ALDH1A2: variants seen among roughly 807,000 people sequenced by gnomAD.
ALDH1A2 encodes the protein aldehyde dehydrogenase 1 family member A2, also known as retinal dehydrogenase 2.
Under a neutral mutation model 60.3 loss-of-function variants are expected in ALDH1A2, and 27 were observed. The ratio of observed to expected loss-of-function variants is 0.45; its 90% CI spans 0.33 to 0.62. The LOEUF is 0.62. Ranked by LOEUF, ALDH1A2 falls within the 20% of genes least tolerant of loss-of-function variation. The pLI, the probability that ALDH1A2 is intolerant of heterozygous loss-of-function variation, is 0.02. For missense variants in ALDH1A2, 581 were observed against 643.8 expected (o/e 0.90, Z 1.06); for synonymous variants, 289 against 232.4 (o/e 1.24, Z -2.21).
In ALDH1A2 at chr15:58,010,665, C is replaced by T. The variant is rs1895605493; in HGVS notation, c.477G>A (p.Gly159=). The T allele has an allele frequency of 2.5e-6, 4 of 1,613,192 alleles. No individual in the cohort carries two copies. The highest frequency in any genetic ancestry group is 2.7e-5 in the African/African-American group (2 of 74,862). The change falls in exon 4 of 13, where the codon GGG becomes GGA. Residue 159 remains glycine, a synonymous_variant. Coordinates refer to ENST00000249750, the MANE Select transcript of ALDH1A2 (RefSeq NM_003888.4). ...YYAGWADKIH[G]MTIPVDGDYF... is the part of the protein sequence containing the mutation. ...TTCACATACCTACAGGAATGGTCATCCCATGAATTTTATCAGCCCAGCCTG... is the reference window on the plus strand; with the variant it reads ...TTCACATACCTACAGGAATGGTCATTCCATGAATTTTATCAGCCCAGCCTG...
chr15:57,985,275 CT>C (rs1894659466), intron 7 of ALDH1A2, among the ~76,000 whole-genome samples: 1 of 152,136 alleles, frequency 6.6e-6, no homozygotes, highest in African/African-American at 2.4e-5. Flanking sequence ...TAACACTGCC[CT>C]TTCTTCCCAA....
intron 4 of ALDH1A2, among the ~76,000 whole-genome samples, chr15:58,006,261 A>G (rs1895454243): frequency 6.6e-6 from 1 of 151,952 alleles, no homozygotes; most frequent in Non-Finnish European, 1.5e-5. Flanking sequence ...TGAGAATATA[A>G]GATATTTGGT....
intron 1 of ALDH1A2, among the ~76,000 whole-genome samples, chr15:58,055,901 G>GTCT (rs1566962638): frequency 1.0e-3 from 110 of 108,504 alleles, no homozygotes; most frequent in African/African-American, 3.2e-3. Flanking sequence ...TCAAAAAAAA[G>GTCT]GTCTTTTAGA....
At chr15:58,019,390 A>C (rs1895864855) in intron 1 of ALDH1A2, among the ~76,000 whole-genome samples, 1 of 152,202 alleles carries the variant, frequency 6.6e-6, no homozygotes, top group Non-Finnish European at 1.5e-5. Context: ...AAGAAACCAG[A>C]ATATTTTGCT....
intron 12 of ALDH1A2, among the ~76,000 whole-genome samples, chr15:57,958,161 A>C (rs1464025064): frequency 6.6e-6 from 1 of 152,116 alleles, no homozygotes; most frequent in African/African-American, 2.4e-5. Context: ...TGCTTAACAA[A>C]ACCATCACCC....
chr15:58,016,769 A>G (rs1895800361), intron 1 of ALDH1A2, among the ~76,000 whole-genome samples: 1 of 152,182 alleles, frequency 6.6e-6, no homozygotes, highest in Admixed American at 6.5e-5. Context: ...TAAGGAAAAA[A>G]AAATTACGAA....
chr15:58,024,882 A>T (rs1392771297), intron 1 of ALDH1A2, among the ~76,000 whole-genome samples: 1 of 152,214 alleles, frequency 6.6e-6, no homozygotes, highest in East Asian at 1.9e-4. Flanking sequence ...AATGCCAAGA[A>T]CAACTCTGGA....
At chr15:57,986,127 G>A (rs1327136646) in intron 7 of ALDH1A2, among the ~76,000 whole-genome samples, 1 of 152,144 alleles carries the variant, frequency 6.6e-6, no homozygotes, top group Non-Finnish European at 1.5e-5. Context: ...AACCGACACT[G>A]GACTTGTTTT....
chr15:57,987,662 C>T (rs1048811831), intron 7 of ALDH1A2, among the ~76,000 whole-genome samples: 3 of 152,046 alleles, frequency 2.0e-5, no homozygotes, highest in Admixed American at 6.6e-5. Context: ...GGGCGGATCA[C>T]GAGGTCACGA....
At chr15:58,036,027 T>G (rs945162113) in intron 1 of ALDH1A2, among the ~76,000 whole-genome samples, 1 of 151,712 alleles carries the variant, frequency 6.6e-6, no homozygotes, top group African/African-American at 2.4e-5. Context: ...TAAAAAATAA[T>G]GTATGCAAGG....
chr15:58,027,964 G>C (rs968534322), intron 1 of ALDH1A2, among the ~76,000 whole-genome samples: 6 of 152,184 alleles, frequency 3.9e-5, no homozygotes, highest in Admixed American at 2.6e-4. Flanking sequence ...AACCAAGTTA[G>C]AAAACACTCT....
intron 7 of ALDH1A2, among the ~76,000 whole-genome samples, chr15:57,975,628 T>C (rs1282031837): frequency 6.6e-6 from 1 of 152,190 alleles, no homozygotes; most frequent in South Asian, 2.1e-4. Context: ...TTAAACTATA[T>C]ACCCATAAAT....
At chr15:58,022,098 T>C (rs1332365814) in intron 1 of ALDH1A2, among the ~76,000 whole-genome samples, 1 of 152,172 alleles carries the variant, frequency 6.6e-6, no homozygotes, top group African/African-American at 2.4e-5. Flanking sequence ...TCAAGCACTC[T>C]GCCTAGGGCC....
chr15:58,041,808 G>C (rs1299915776), intron 1 of ALDH1A2, among the ~76,000 whole-genome samples: 1 of 151,864 alleles, frequency 6.6e-6, no homozygotes, highest in African/African-American at 2.4e-5. Context: ...CAAACTACTG[G>C]TATAGTAATA....
At chr15:58,062,925 T>C (rs1034487536) in intron 1 of ALDH1A2, among the ~76,000 whole-genome samples, 2 of 152,236 alleles carry the variant, frequency 1.3e-5, no homozygotes, top group African/African-American at 4.8e-5. Context: ...CCTTAGGGAA[T>C]GAACTTTAAT....
chr15:58,010,256 G>C (rs1332488750), intron 4 of ALDH1A2, among the ~76,000 whole-genome samples: 1 of 152,084 alleles, frequency 6.6e-6, no homozygotes, highest in Non-Finnish European at 1.5e-5. Flanking sequence ...TCCTTCCAAA[G>C]AGTAGATCTT....
intron 3 of ALDH1A2, 115 bp downstream of exon 3, chr15:58,013,743 C>A: frequency 1.4e-6 from 2 of 1,392,022 alleles, no homozygotes; most frequent in African/African-American, 1.5e-5. Flanking sequence ...CAGAGCTAGA[C>A]TCCGTCTCAA....
At chr15:57,959,383 T>C (rs981298408) in intron 12 of ALDH1A2, among the ~76,000 whole-genome samples, 5 of 152,294 alleles carry the variant, frequency 3.3e-5, no homozygotes, top group African/African-American at 1.2e-4. Flanking sequence ...CTGTAAAAGC[T>C]GAAGGAATAC....
rs1894948902 is a variant in ALDH1A2 at position 57,993,093 on chromosome 15, A to G, written c.556-20T>C. On this transcript the variant is annotated intron_variant, in intron 5 of 12. Transcript: ENST00000249750. ...GTTCCACTGAAAGGAAAAAACTCAA[A>G]GTTGATAGATGGAAAAACATTCTTC... 1 of 1,610,628 alleles carries G rather than the reference A, an allele frequency of 6.2e-7. No individual in the cohort carries two copies. The highest frequency in any genetic ancestry group is 1.1e-5 in the South Asian group (1 of 90,988).
Sources: allele counts gnomAD v4.1 joint callset (sites outside exome capture counted in the v4.1 genomes callset), GRCh38; gene constraint gnomAD v4.1.1; transcripts MANE v1.5; gene names NCBI Gene and HGNC (gene_info 2026-07-23, HGNC 2026-07-21).